The following DYNC2I1 variants were observed in gnomAD, a reference collection of about 807,000 sequenced individuals.
DYNC2I1 encodes cytoplasmic dynein 2 intermediate chain 1.
Under a neutral mutation model 133.4 loss-of-function variants are expected in DYNC2I1, and 89 were observed. The ratio of observed to expected loss-of-function variants is 0.67; its 90% confidence interval spans 0.56 to 0.80. DYNC2I1 has a LOEUF of 0.80. Ranked by LOEUF, DYNC2I1 falls within the 30% of genes least tolerant of loss-of-function variation. The pLI, the probability that DYNC2I1 is intolerant of heterozygous loss-of-function variation, is 0.00. For synonymous variants in DYNC2I1, 504 were observed against 484.3 expected, an observed-to-expected ratio of 1.04 and a Z score of -0.54; for missense variants, 1,291 against 1,314.5, an observed-to-expected ratio of 0.98 and a Z score of 0.28.
Position 158,922,422 on chromosome 7 carries a change from T to C in DYNC2I1, c.1967T>C (p.Met656Thr). The C allele has an allele frequency of 6.2e-7, 1 of 1,613,978 alleles. No homozygotes were observed. The highest frequency in any genetic ancestry group is 8.5e-7 in the Non-Finnish European group (1 of 1,179,892). Reference sequence around the variant, plus strand: ...CACACCTCCCGAGTTCAGAGGCAGATGGTGGTCTCCGTTCACGACTTACCC... The same window carrying C: ...CACACCTCCCGAGTTCAGAGGCAGACGGTGGTCTCCGTTCACGACTTACCC... ...SLHTSRVQRQ[M>T]VVSVHDLPEK... The change falls in exon 16 of 25, where the codon ATG becomes ACG. Residue 656 changes from methionine (M) to threonine (T), a missense_variant. By Grantham distance (81) the Met-to-Thr change is moderately conservative (BLOSUM62 -1). Coordinates refer to ENST00000407559, the MANE Select transcript of DYNC2I1 (RefSeq NM_018051.5).
the DYNC2I1 span, among the ~76,000 whole-genome samples, chr7:158,851,176 GTCTTT>G: frequency 6.6e-6 from 1 of 152,072 alleles, no homozygotes; most frequent in East Asian, 1.9e-4. Flanking sequence ...TTTAGTAAGA[GTCTTT>G]TCTTTTGAAA....
chr7:158,922,670 T>A (rs759977352), intron 16 of DYNC2I1, 121 bp downstream of exon 16: 4 of 951,170 alleles, frequency 4.2e-6, no homozygotes, highest in Admixed American at 2.6e-5. Flanking sequence ...TAGGGACTTA[T>A]GGGCCATTCT....
chr7:158,847,641 A>G, the DYNC2I1 span, among the ~76,000 whole-genome samples: 551 of 152,334 alleles, frequency 3.6e-3, 8 homozygotes, highest in Middle Eastern at 0.02. Context: ...AAAGCAAAAT[A>G]TTCATCCCTT....
intron 24 of DYNC2I1, 67 bp downstream of exon 24, chr7:158,942,215 GTCTT>G (rs1382500630): frequency 1.6e-5 from 21 of 1,289,132 alleles, no homozygotes; most frequent in Admixed American, 2.6e-5. Flanking sequence ...GCCACTTACG[GTCTT>G]TCTTCATTAA....
chr7:158,864,485 T>C (rs985063566), intron 1 of DYNC2I1, among the ~76,000 whole-genome samples: 3 of 152,054 alleles, frequency 2.0e-5, no homozygotes, highest in African/African-American at 4.8e-5. Context: ...TAAGCAGAAA[T>C]AGTAGTATCT....
intron 8 of DYNC2I1, among the ~76,000 whole-genome samples, chr7:158,895,847 T>A (rs1198097144): frequency 6.6e-6 from 1 of 152,226 alleles, no homozygotes; most frequent in Admixed American, 6.5e-5. Flanking sequence ...GTACATATTT[T>A]GTTAGATTAA....
At chr7:158,858,827 TC>T (rs1161398032) in intron 1 of DYNC2I1, among the ~76,000 whole-genome samples, 2 of 47,954 alleles carry the variant, frequency 4.2e-5, no homozygotes, top group Non-Finnish European at 7.3e-5. Flanking sequence ...TCCTCTCCCC[TC>T]CCCCCTCCCC....
the DYNC2I1 span, among the ~76,000 whole-genome samples, chr7:158,843,550 G>A: frequency 2.1e-4 from 32 of 151,452 alleles, no homozygotes; most frequent in South Asian, 8.4e-4. Flanking sequence ...GTGAGCCACC[G>A]CACCCAGCCT....
intron 3 of DYNC2I1, among the ~76,000 whole-genome samples, chr7:158,873,665 C>T (rs561633740): frequency 2.0e-5 from 3 of 152,272 alleles, no homozygotes; most frequent in East Asian, 1.9e-4. Context: ...CTTGCCCTGT[C>T]GCCCAGGTTG....
At chr7:158,922,729 A>C (rs1206775542) in intron 16 of DYNC2I1, among the ~76,000 whole-genome samples, 180 bp downstream of exon 16, 1 of 152,106 alleles carries the variant, frequency 6.6e-6, no homozygotes, top group Non-Finnish European at 1.5e-5. Context: ...AGCGAGACAC[A>C]TGGGTGTGCT....
chr7:158,948,510 C>G (rs186821468), downstream of DYNC2I1, among the ~76,000 whole-genome samples: 3 of 152,194 alleles, frequency 2.0e-5, no homozygotes, highest in African/African-American at 7.2e-5. Context: ...GGACTGAGCT[C>G]TTGAGGACGG....
chr7:158,894,518 G>A (rs1027784520), intron 8 of DYNC2I1, among the ~76,000 whole-genome samples: 1 of 152,126 alleles, frequency 6.6e-6, no homozygotes, highest in Non-Finnish European at 1.5e-5. Context: ...TCTCTTCAAG[G>A]CTTTTAATAA....
chr7:158,861,737 CAGCCTGTGTGGTCACCAGCCAGGGCCT>C lies in DYNC2I1; in HGVS notation c.15+4990_15+5016del, dbSNP rs1841885756. ...CACATGGAGTACAGAGTGTTAGAAG[CAGCCTGTGTGGTCACCAGCCAGGGCCT>C]AGGTGAGTGAATTACGGTGACTGTA... On this transcript the variant is annotated intron_variant, in intron 1 of 24. Transcript: ENST00000407559. 3.3e-5 allele frequency among the ~76,000 whole-genome samples: 5 copies of C among 152,340 alleles called. No individual in the cohort carries two copies. In the South Asian group the frequency reaches 6.2e-4, roughly 19 times the overall value.
intron 21 of DYNC2I1, among the ~76,000 whole-genome samples, chr7:158,932,214 C>A (rs79557602): frequency 6.6e-6 from 1 of 152,132 alleles, no homozygotes; most frequent in African/African-American, 2.4e-5. Context: ...TCAGGGTTGT[C>A]GTGCAGAGGA....
At chr7:158,873,404 C>A (rs898987421) in intron 3 of DYNC2I1, among the ~76,000 whole-genome samples, 2 of 152,162 alleles carry the variant, frequency 1.3e-5, no homozygotes, top group African/African-American at 4.8e-5. Flanking sequence ...CTTATAGACA[C>A]GGTGATCTGT....
intron 7 of DYNC2I1, among the ~76,000 whole-genome samples, chr7:158,889,443 G>A (rs1395285124): frequency 6.6e-6 from 1 of 151,956 alleles, no homozygotes; most frequent in African/African-American, 2.4e-5. Context: ...TAGATCTACC[G>A]CATTTTTTTT....
chr7:158,918,251 T>G (rs921560124), intron 14 of DYNC2I1, among the ~76,000 whole-genome samples: 2 of 152,226 alleles, frequency 1.3e-5, no homozygotes, highest in Non-Finnish European at 2.9e-5. Context: ...GTGTTAGTTC[T>G]CAGGAACATT....
At chr7:158,906,128 G>GT in intron 11 of DYNC2I1, 37 bp downstream of exon 11, 3 of 1,545,536 alleles carry the variant, frequency 1.9e-6, no homozygotes, top group Non-Finnish European at 2.6e-6. Context: ...GGTGTTCAGG[G>GT]TTTTAGCTTA....
intron 5 of DYNC2I1, among the ~76,000 whole-genome samples, chr7:158,880,589 A>G (rs897458126): frequency 6.6e-6 from 1 of 152,198 alleles, no homozygotes; most frequent in Non-Finnish European, 1.5e-5. Context: ...GAAATTTAAC[A>G]TTGAAAAGGA....
Sources: allele counts gnomAD v4.1 joint callset (sites outside exome capture counted in the v4.1 genomes callset), GRCh38; gene constraint gnomAD v4.1.1; transcripts MANE v1.5; gene names NCBI Gene and HGNC (gene_info 2026-07-23, HGNC 2026-07-21).